The following ROBO2 variants were observed in gnomAD, a reference collection of about 807,000 sequenced individuals.
The protein encoded by ROBO2 is roundabout guidance receptor 2, also known as roundabout homolog 2.
In ROBO2, 53 loss-of-function variants were observed where a neutral mutation model predicts 160.8. That is an observed-to-expected ratio of 0.33 (90% CI 0.26 to 0.41). The LOEUF is 0.41. Among genes scored for constraint, ROBO2 ranks in the 10% least tolerant of loss-of-function variants. The probability of loss-of-function intolerance (pLI) is 1.00; values close to 1 mark genes in which losing one functional copy is unlikely to be tolerated. For synonymous variants in ROBO2, 664 were observed against 611.7 expected, an observed-to-expected ratio of 1.09 and a Z score of -1.26; for missense variants, 1,577 against 1,722.4, an observed-to-expected ratio of 0.92 and a Z score of 1.49.
At position 77,367,179 on chromosome 3, in the gene ROBO2, G is replaced by A. The variant is rs76665270; in HGVS notation, c.389-110235G>A. Among the ~76,000 whole-genome samples, 1,003 of 152,082 alleles carry A rather than the reference G, an allele frequency of 6.6e-3. 14 individuals are homozygous for A. Among genetic ancestry groups the A allele is most frequent in the African/African-American group, 0.023 (950 of 41,498 alleles). Reference sequence around the variant, plus strand: ...CTCATTGGAACTGCAAGACCACCAGGTTACCGTATGATCATATTTTTATGT... The same window carrying A: ...CTCATTGGAACTGCAAGACCACCAGATTACCGTATGATCATATTTTTATGT... On this transcript the variant is annotated intron_variant, in intron 2 of 25. Transcript: ENST00000461745.
chr3:76,245,470 T>A lies in ROBO2; in HGVS notation c.109+307868T>A, dbSNP rs574988465. On this transcript the variant is annotated intron_variant, in intron 2 of 26. Transcript: ENST00000487694. The stretch of plus-strand genomic sequence containing the variant: ...CTACAGTGGAAGCTCTTTGGGAAAA[T>A]GATCCTAAAATACAATACTCATTAC... Among the ~76,000 whole-genome samples, 18 of 152,284 alleles carry A rather than the reference T, an allele frequency of 1.2e-4. No individual in the cohort carries two copies. The South Asian group carries it at 3.7e-3, about 32-fold the overall frequency.
intron 2 of ROBO2, among the ~76,000 whole-genome samples, chr3:77,270,305 A>ACT (rs1187875575): frequency 9.2e-5 from 14 of 152,140 alleles, no homozygotes; most frequent in Admixed American, 9.2e-4. Flanking sequence ...TGTAAGTAAG[A>ACT]CTCTGCCACA....
At chr3:76,243,864 TG>T (rs1159087570) in intron 2 of ROBO2, among the ~76,000 whole-genome samples, 13 of 152,194 alleles carry the variant, frequency 8.5e-5, no homozygotes, top group Non-Finnish European at 1.6e-4. Flanking sequence ...ACCAACATTT[TG>T]TGTTTATTCA....
chr3:77,499,956 A>T (rs2087341678), intron 5 of ROBO2, among the ~76,000 whole-genome samples: 1 of 152,058 alleles, frequency 6.6e-6, no homozygotes, highest in African/African-American at 2.4e-5. Flanking sequence ...CTGCTTTTAA[A>T]TTATATAGAT....
At chr3:76,147,722 G>A (rs1000751407) in intron 2 of ROBO2, among the ~76,000 whole-genome samples, 5 of 151,844 alleles carry the variant, frequency 3.3e-5, no homozygotes, top group South Asian at 4.1e-4. Flanking sequence ...CCCTCAATGC[G>A]TCTCCCTGAG....
At chr3:76,456,491 G>T (rs1264700763) in intron 2 of ROBO2, among the ~76,000 whole-genome samples, 2 of 152,158 alleles carry the variant, frequency 1.3e-5, no homozygotes, top group Non-Finnish European at 2.9e-5. Context: ...AGTACCAGCA[G>T]GTACTTTACG....
intron 2 of ROBO2, among the ~76,000 whole-genome samples, chr3:76,712,440 C>T (rs981140198): frequency 6.6e-6 from 1 of 151,984 alleles, no homozygotes; most frequent in Non-Finnish European, 1.5e-5. Context: ...TTTGGGAGGC[C>T]GAGGTGGGCG....
chr3:77,533,229 G>A (rs1217230892), intron 6 of ROBO2, among the ~76,000 whole-genome samples: 1 of 152,016 alleles, frequency 6.6e-6, no homozygotes, highest in Non-Finnish European at 1.5e-5. Flanking sequence ...TAAGTTATGA[G>A]GGGTGTGCAT....
At chr3:77,467,480 G>A (rs546287644) in intron 2 of ROBO2, among the ~76,000 whole-genome samples, 119 of 152,188 alleles carry the variant, frequency 7.8e-4, no homozygotes, top group African/African-American at 2.7e-3. Flanking sequence ...CATGGGACAT[G>A]AACCAGACTG....
At chr3:77,414,667 A>G (rs1007178816) in intron 2 of ROBO2, among the ~76,000 whole-genome samples, 6 of 152,110 alleles carry the variant, frequency 3.9e-5, no homozygotes, top group Admixed American at 3.9e-4. Context: ...GAGAGAAGGG[A>G]GATAATGGGT....
intron 2 of ROBO2, among the ~76,000 whole-genome samples, chr3:76,982,619 T>C (rs1255150331): frequency 6.6e-6 from 1 of 152,222 alleles, no homozygotes; most frequent in Non-Finnish European, 1.5e-5. Context: ...AAGTACATTT[T>C]ATATGAAGAT....
chr3:76,900,757 T>C (rs569387147), intron 2 of ROBO2, among the ~76,000 whole-genome samples: 3 of 152,308 alleles, frequency 2.0e-5, no homozygotes, highest in Admixed American at 6.5e-5. Flanking sequence ...GGAGGATTCA[T>C]GTGACCACAT....
chr3:76,546,002 T>C (rs1459748741), intron 2 of ROBO2, among the ~76,000 whole-genome samples: 1 of 151,844 alleles, frequency 6.6e-6, no homozygotes, highest in African/African-American at 2.4e-5. Flanking sequence ...TTCCTGACTT[T>C]TCACTAGAAT....
At chr3:77,347,318 G>A (rs1009366532) in intron 2 of ROBO2, among the ~76,000 whole-genome samples, 1 of 151,862 alleles carries the variant, frequency 6.6e-6, no homozygotes, top group African/African-American at 2.4e-5. Flanking sequence ...TAAATACCTC[G>A]CGTTCCAGAC....
At chr3:76,249,308 G>A (rs759566197) in intron 2 of ROBO2, among the ~76,000 whole-genome samples, 4 of 151,994 alleles carry the variant, frequency 2.6e-5, no homozygotes, top group African/African-American at 2.4e-5. Flanking sequence ...GGACTTGAGC[G>A]GTTAAAACTG....
intron 2 of ROBO2, among the ~76,000 whole-genome samples, chr3:77,145,959 G>T (rs1029195294): frequency 6.6e-6 from 1 of 152,120 alleles, no homozygotes; most frequent in Non-Finnish European, 1.5e-5. Flanking sequence ...GCCTGAGGTG[G>T]TGATTAGAAA....
intron 2 of ROBO2, among the ~76,000 whole-genome samples, chr3:75,965,867 G>T (rs1353099723): frequency 2.0e-5 from 3 of 151,602 alleles, no homozygotes; most frequent in Non-Finnish European, 4.4e-5. Flanking sequence ...AACAAGGAAA[G>T]AAATTAATAT....
At chr3:76,963,139 T>C (rs1473728501) in intron 2 of ROBO2, among the ~76,000 whole-genome samples, 1 of 127,490 alleles carries the variant, frequency 7.8e-6, no homozygotes, top group African/African-American at 3.1e-5. Context: ...AACACAATGT[T>C]CTGGTCCCTT....
intron 2 of ROBO2, among the ~76,000 whole-genome samples, chr3:77,442,098 G>T (rs143036271): frequency 0.025 from 3,780 of 152,154 alleles, 162 homozygotes; most frequent in African/African-American, 0.085. Context: ...GGATCACGAG[G>T]TCAGGAAATC....
Sources: allele counts gnomAD v4.1 joint callset (sites outside exome capture counted in the v4.1 genomes callset), GRCh38; gene constraint gnomAD v4.1.1; transcripts MANE v1.5; gene names NCBI Gene and HGNC (gene_info 2026-07-23, HGNC 2026-07-21).